LINC01488: variants seen among roughly 807,000 people sequenced by gnomAD.
LINC01488 encodes the protein long independently transcribed non-coding RNA 1488.
exon 4 of LINC01488, chr11:69,493,091 G>A (rs1402591544): frequency 6.6e-6 from 1 of 152,268 alleles, no homozygotes; most frequent in African/African-American, 2.4e-5. Flanking sequence ...GCAGCTCTGT[G>A]TGAGATTTGT....
chr11:69,487,366 G>A (rs1374033019), intron 1 of LINC01488, among the ~76,000 whole-genome samples: 3 of 152,206 alleles, frequency 2.0e-5, no homozygotes, highest in Admixed American at 6.5e-5. Flanking sequence ...AAAATCACTC[G>A]CGGGAACAAG....
intron 1 of LINC01488, among the ~76,000 whole-genome samples, chr11:69,483,025 A>C (rs1857063688): frequency 6.6e-6 from 1 of 152,206 alleles, no homozygotes; most frequent in Admixed American, 6.5e-5. Context: ...CTGGGAGTTA[A>C]GACTTCAACA....
chr11:69,485,518 G>T (rs1296608444), intron 1 of LINC01488: 1 of 152,300 alleles, frequency 6.6e-6, no homozygotes, highest in African/African-American at 2.4e-5. Flanking sequence ...TCTCTTGGGG[G>T]CGTGAGCTAG....
At chr11:69,490,239 T>G (rs761419663) in intron 1 of LINC01488, among the ~76,000 whole-genome samples, 2 of 152,220 alleles carry the variant, frequency 1.3e-5, no homozygotes, top group African/African-American at 4.8e-5. Context: ...TTCCGCCGAA[T>G]GGGCTTTTGT....
At chr11:69,484,022 A>G (rs1431629805) in intron 1 of LINC01488, among the ~76,000 whole-genome samples, 7 of 152,192 alleles carry the variant, frequency 4.6e-5, no homozygotes, top group Admixed American at 3.9e-4. Flanking sequence ...TCACACGGGC[A>G]GCTCCCGCTC....
At chr11:69,493,000 C>G (rs1167097031) in exon 4 of LINC01488, 1 of 152,290 alleles carries the variant, frequency 6.6e-6, no homozygotes, top group Non-Finnish European at 1.5e-5. Flanking sequence ...CAGTCCCTCA[C>G]CTGCCACACA....
intron 1 of LINC01488, among the ~76,000 whole-genome samples, chr11:69,482,074 T>A (rs1275794603): frequency 1.3e-5 from 2 of 151,870 alleles, no homozygotes; most frequent in Non-Finnish European, 2.9e-5. Context: ...AACAAAGACA[T>A]ACCTGAGACT....
chr11:69,487,420 C>T (rs1365882663), intron 1 of LINC01488, among the ~76,000 whole-genome samples: 2 of 152,208 alleles, frequency 1.3e-5, no homozygotes, highest in Non-Finnish European at 2.9e-5. Flanking sequence ...CTCTGTGGCC[C>T]ATTTTCTCAT....
intron 1 of LINC01488, among the ~76,000 whole-genome samples, chr11:69,490,299 G>A (rs577964824): frequency 6.6e-6 from 1 of 152,252 alleles, no homozygotes; most frequent in African/African-American, 2.4e-5. Flanking sequence ...GCAGGACTGC[G>A]GAGGCGTGGG....
At chr11:69,487,111 C>T (rs1278833973) in intron 1 of LINC01488, among the ~76,000 whole-genome samples, 3 of 152,332 alleles carry the variant, frequency 2.0e-5, no homozygotes, top group South Asian at 2.1e-4. Context: ...CTCCCGCAGG[C>T]GGAGTATTTT....
chr11:69,483,039 G>A (rs1043658913), intron 1 of LINC01488, among the ~76,000 whole-genome samples: 4 of 152,162 alleles, frequency 2.6e-5, no homozygotes, highest in South Asian at 4.1e-4. Flanking sequence ...TTCAACATAC[G>A]AATTGTGGGG....
chr11:69,488,305 C>T (rs1857156754), intron 1 of LINC01488: 1 of 152,360 alleles, frequency 6.6e-6, no homozygotes, highest in Non-Finnish European at 1.5e-5. Flanking sequence ...ACCCCTGGAC[C>T]AGGGTAAGAG....
intron 1 of LINC01488, among the ~76,000 whole-genome samples, chr11:69,489,389 G>A (rs771292889): frequency 3.3e-5 from 5 of 152,240 alleles, no homozygotes; most frequent in African/African-American, 4.8e-5. Flanking sequence ...ACACAGAGGA[G>A]CCCCAACATG....
At chr11:69,492,462 T>TGGA (rs926261937) in exon 4 of LINC01488, 4 of 151,860 alleles carry the variant, frequency 2.6e-5, no homozygotes, top group Non-Finnish European at 5.9e-5. Flanking sequence ...TGCTTATAAG[T>TGGA]GGAGGAGGAG....
exon 4 of LINC01488, chr11:69,492,645 A>T (rs1416263222): frequency 6.6e-6 from 1 of 152,260 alleles, no homozygotes; most frequent in African/African-American, 2.4e-5. Flanking sequence ...TGCCACCTCG[A>T]CTGCAGAACG....
At chr11:69,484,800 T>C (rs928978229) in intron 1 of LINC01488, among the ~76,000 whole-genome samples, 7 of 152,188 alleles carry the variant, frequency 4.6e-5, no homozygotes, top group African/African-American at 1.7e-4. Flanking sequence ...TGCATTGTCC[T>C]CCTCCTGCTG....
chr11:69,483,097 G>T (rs1857064296), intron 1 of LINC01488, among the ~76,000 whole-genome samples: 1 of 152,212 alleles, frequency 6.6e-6, no homozygotes. Context: ...ATACTTCTGA[G>T]GTCCGTGGAA....
chr11:69,488,859 G>C (rs1857168232), intron 1 of LINC01488, among the ~76,000 whole-genome samples: 1 of 152,206 alleles, frequency 6.6e-6, no homozygotes. Flanking sequence ...GGGAGGGTGA[G>C]GCCAGCCTGG....
At chr11:69,486,437 G>A (rs1433681530) in intron 1 of LINC01488, among the ~76,000 whole-genome samples, 1 of 152,230 alleles carries the variant, frequency 6.6e-6, no homozygotes, top group Non-Finnish European at 1.5e-5. Context: ...CTCCCCAGGT[G>A]TTGCCTGAGC....
Sources: gnomAD v4.1 joint callset for allele counts (sites outside exome capture counted in the v4.1 genomes callset) on GRCh38, gnomAD v4.1.1 for gene constraint, MANE v1.5 for transcripts, NCBI Gene and HGNC (gene_info 2026-07-23, HGNC 2026-07-21) for gene names.